Variants in ADGB observed in about 807,000 individuals in gnomAD.
ADGB encodes the protein androglobin.
Under a neutral mutation model 210.5 loss-of-function variants are expected in ADGB, and 172 were observed. The ratio of observed to expected loss-of-function variants is 0.82; its 90% confidence interval spans 0.72 to 0.93. The LOEUF (loss-of-function observed/expected upper bound fraction) is 0.93. Among genes scored for constraint, ADGB ranks in the 40% least tolerant of loss-of-function variants. The pLI is 0.00. For synonymous variants in ADGB, 658 were observed against 662.7 expected (o/e 0.99, Z 0.11); for missense variants, 2,025 against 1,964.8 (o/e 1.03, Z -0.58).
intron 13 of ADGB, among the ~76,000 whole-genome samples, chr6:146,708,399 A>C (rs1776607442): frequency 6.6e-6 from 1 of 152,124 alleles, no homozygotes. Flanking sequence ...CTCATAAAAC[A>C]GATCTTGTGG....
chr6:146,702,980 A>G (rs562270531), intron 13 of ADGB, among the ~76,000 whole-genome samples: 26 of 151,870 alleles, frequency 1.7e-4, no homozygotes, highest in South Asian at 1.2e-3. Flanking sequence ...AATTTTGCCA[A>G]TCAGATTGGT....
intron 7 of ADGB, among the ~76,000 whole-genome samples, chr6:146,671,663 C>T (rs1453328805): frequency 6.6e-6 from 1 of 151,764 alleles, no homozygotes; most frequent in African/African-American, 2.4e-5. Flanking sequence ...GCAAGAACAC[C>T]AAGAGGAGAG....
chr6:146,802,041 A>C, intron 35 of ADGB, 30 bp downstream of exon 35: 2 of 1,395,250 alleles, frequency 1.4e-6, no homozygotes, highest in South Asian at 3.6e-5. Context: ...CATAGATTAT[A>C]GTTGGCAAAT....
intron 19 of ADGB, among the ~76,000 whole-genome samples, chr6:146,727,659 G>C (rs1019398556): frequency 9.9e-5 from 15 of 152,180 alleles, no homozygotes; most frequent in African/African-American, 3.6e-4. Flanking sequence ...AAGCAAAAGA[G>C]AATAGACTGA....
At chr6:146,801,741 T>C (rs17076305) in intron 34 of ADGB, 87 bp from the exon 35 acceptor site, 12,528 of 1,164,144 alleles carry the variant, frequency 0.011, 161 homozygotes, top group East Asian at 0.064. Context: ...ACTGTTGATA[T>C]GATTTAAAAT....
chr6:146,630,191 C>T (rs1047719787), intron 1 of ADGB, among the ~76,000 whole-genome samples: 2 of 151,920 alleles, frequency 1.3e-5, no homozygotes, highest in Non-Finnish European at 2.9e-5. Context: ...GAGCTGAGAT[C>T]GCACCATTGC....
intron 12 of ADGB, among the ~76,000 whole-genome samples, chr6:146,696,671 G>T (rs1776407776): frequency 6.6e-6 from 1 of 152,078 alleles, no homozygotes; most frequent in East Asian, 1.9e-4. Flanking sequence ...CTTTCACATT[G>T]TTTGTTTTAC....
chr6:146,723,750 A>T (rs1776854806), intron 17 of ADGB, among the ~76,000 whole-genome samples: 1 of 152,038 alleles, frequency 6.6e-6, no homozygotes, highest in South Asian at 2.1e-4. Context: ...AAAATAAATA[A>T]TTTTTTTGAT....
At chr6:146,615,676 A>G (rs891514431) in intron 1 of ADGB, among the ~76,000 whole-genome samples, 1 of 152,208 alleles carries the variant, frequency 6.6e-6, no homozygotes, top group African/African-American at 2.4e-5. Flanking sequence ...CCTATAAGTG[A>G]GAACATGGAA....
intron 25 of ADGB, among the ~76,000 whole-genome samples, chr6:146,743,893 G>A (rs1359962744): frequency 1.9e-5 from 1 of 53,354 alleles, no homozygotes; most frequent in Non-Finnish European, 4.8e-5. Flanking sequence ...CAGCCTGGGT[G>A]ACAAGAGCGA....
Position 146,726,169 on chromosome 6 carries a change from A to C in ADGB, c.2324A>C (p.Glu775Ala). 1.9e-6 allele frequency: 3 copies of C among 1,549,580 alleles called. No individual in the cohort carries two copies. The highest frequency in any genetic ancestry group is 1.7e-4 in the Middle Eastern group (1 of 5,986). ...CSMVSFVIGD[E>A]HVVLPNFEPE... ...ATGGTGTCATTTGTCATTGGGGATG[A>C]ACACGTTGTACTGCCCAACTTTGAA... The change falls in exon 19 of 36, where the codon GAA (glutamate) becomes GCA (alanine). Residue 775 changes from glutamate (E) to alanine (A), a missense_variant. By Grantham distance (107) the Glu-to-Ala change is moderately radical. Coordinates refer to ENST00000397944, the MANE Select transcript of ADGB (RefSeq NM_024694.4).
intron 29 of ADGB, among the ~76,000 whole-genome samples, chr6:146,771,873 A>G (rs1777657636): frequency 1.3e-5 from 2 of 152,326 alleles, no homozygotes; most frequent in Non-Finnish European, 2.9e-5. Context: ...ATTTTACATT[A>G]CATTTCTGAG....
At chr6:146,640,131 C>T (rs1413459238) in intron 2 of ADGB, among the ~76,000 whole-genome samples, 1 of 152,004 alleles carries the variant, frequency 6.6e-6, no homozygotes, top group Non-Finnish European at 1.5e-5. Flanking sequence ...ACTACAAACT[C>T]CTCTATGCAC....
chr6:146,688,886 G>A (rs1776266722), intron 10 of ADGB, among the ~76,000 whole-genome samples: 1 of 152,138 alleles, frequency 6.6e-6, no homozygotes, highest in Non-Finnish European at 1.5e-5. Flanking sequence ...AGTAAGATCA[G>A]CAGGTAAAAT....
In ADGB at chr6:146,785,597, G is replaced by A; in HGVS notation, c.4213-13G>A. The A allele has an allele frequency of 1.3e-6, 2 of 1,546,002 alleles. No individual in the cohort carries two copies. Among genetic ancestry groups the A allele is most frequent in the African/African-American group, 1.4e-5 (1 of 73,052 alleles). On this transcript the variant is annotated splice_polypyrimidine_tract_variant and intron_variant, in intron 31 of 35. Transcript: ENST00000397944. ...GAAGAGCTTTTAAAAAGCTGCTCATGTTTGTTTTTTAGGCTTCTCAGGCTC... is the reference window on the plus strand; with the variant it reads ...GAAGAGCTTTTAAAAAGCTGCTCATATTTGTTTTTTAGGCTTCTCAGGCTC...
chr6:146,642,374 C>T (rs1775530169), intron 2 of ADGB, among the ~76,000 whole-genome samples: 1 of 151,864 alleles, frequency 6.6e-6, no homozygotes, highest in Non-Finnish European at 1.5e-5. Context: ...CCCAGCAATC[C>T]TATTACTGGC....
intron 26 of ADGB, among the ~76,000 whole-genome samples, chr6:146,747,910 G>A (rs773694581): frequency 1.4e-4 from 21 of 150,978 alleles, no homozygotes; most frequent in Non-Finnish European, 2.7e-4. Flanking sequence ...AGCCTCCCAA[G>A]TAGCTGGGAT....
At position 146,635,378 on chromosome 6, in the gene ADGB, C is replaced by A. The variant is rs149944585; in HGVS notation, c.78C>A (p.Phe26Leu). 2,189 of 1,506,432 alleles carry A rather than the reference C, an allele frequency of 1.5e-3. 23 individuals are homozygous for A. In the African/African-American group the frequency reaches 0.027, roughly 19 times the overall value. The allele number at this position is 1,506,432 out of a possible 1,614,324, so 93.3% of individuals were successfully genotyped here. Residue 26 changes from phenylalanine (F) to leucine (L), a missense_variant, in exon 2 of 36, where the codon TTC becomes TTA. Phe to Leu is a conservative substitution (Grantham distance 22). Transcript: ENST00000397944. ...SAHGSDKSKD[F>L]YPFGSNVQSG... ...CCCACTCTCTGTCTCTGTCTAGTTT[C>A]TATCCTTTTGGCAGTAATGTACAAT... is the stretch of plus-strand genomic sequence containing the variant.
intron 6 of ADGB, 54 bp from the exon 7 acceptor site, chr6:146,666,762 C>T (rs1583581310): frequency 9.3e-7 from 1 of 1,080,488 alleles, no homozygotes; most frequent in Non-Finnish European, 1.4e-6. Flanking sequence ...TCTTATATAT[C>T]TTTATGTGTT....
Sources: gnomAD v4.1 joint callset for allele counts (sites outside exome capture counted in the v4.1 genomes callset) on GRCh38, gnomAD v4.1.1 for gene constraint, MANE v1.5 for transcripts, NCBI Gene and HGNC (gene_info 2026-07-23, HGNC 2026-07-21) for gene names.